Variants in TENM3 observed in about 807,000 individuals in gnomAD.
TENM3 encodes teneurin-3.
TENM3 carries 63 observed loss-of-function variants against 255.1 expected under a neutral mutation model. The ratio of observed to expected loss-of-function variants is 0.25; its 90% confidence interval spans 0.20 to 0.30. TENM3 has a LOEUF of 0.30. Ranked by LOEUF, TENM3 falls within the 10% of genes least tolerant of loss-of-function variation. TENM3 has a pLI of 1.00. For missense variants in TENM3, 2,929 were observed against 3,461.1 expected, an observed-to-expected ratio of 0.85 and a Z score of 3.86; for synonymous variants, 1,306 against 1,322.3, an observed-to-expected ratio of 0.99 and a Z score of 0.27.
At chr4:181,628,465 A>G in the TENM3 span, among the ~76,000 whole-genome samples, 1 of 152,276 alleles carries the variant, frequency 6.6e-6, no homozygotes, top group African/African-American at 2.4e-5. Context: ...TTATGGTTTT[A>G]GGTCTGACAT....
the TENM3 span, among the ~76,000 whole-genome samples, chr4:181,888,343 T>C: frequency 7.4e-4 from 112 of 151,442 alleles, no homozygotes; most frequent in Non-Finnish European, 4.6e-4. Context: ...GGCTCAATTT[T>C]AGTTTGTCAT....
intron 3 of TENM3, among the ~76,000 whole-genome samples, chr4:182,359,217 G>A (rs920055811): frequency 1.3e-5 from 2 of 152,158 alleles, no homozygotes; most frequent in Admixed American, 6.5e-5. Flanking sequence ...TTGGTATCGG[G>A]ATGATGCTGG....
At chr4:181,713,092 A>G in the TENM3 span, among the ~76,000 whole-genome samples, 1 of 152,226 alleles carries the variant, frequency 6.6e-6, no homozygotes, top group Admixed American at 6.5e-5. Context: ...CCTCTCAGCC[A>G]ACTTGTCCTC....
chr4:182,373,604 A>G, intron 3 of TENM3, among the ~76,000 whole-genome samples: 1 of 152,168 alleles, frequency 6.6e-6, no homozygotes, highest in East Asian at 1.9e-4. Flanking sequence ...GATGTCACCA[A>G]GCCATTCATG....
the TENM3 span, among the ~76,000 whole-genome samples, chr4:181,591,191 T>A: frequency 1.3e-5 from 2 of 152,148 alleles, no homozygotes; most frequent in Non-Finnish European, 2.9e-5. Flanking sequence ...TATTCACATA[T>A]CAGAATGTCT....
rs544035794 is a variant in TENM3 at position 182,364,699 on chromosome 4, G to A, written c.511+17770G>A. Among the ~76,000 whole-genome samples the A allele has an allele frequency of 2.3e-3, 346 of 152,304 alleles. 3 individuals carry two copies. Among genetic ancestry groups the A allele is most frequent in the South Asian group, 0.012 (60 of 4,828 alleles). On this transcript the variant is annotated intron_variant, in intron 3 of 27. Transcript: ENST00000511685. Reference sequence around the variant, plus strand: ...CTCCCATAGTGCTGGGGTTACAGGCGTGAGCCACCGCGCCCAGCCCCAACT... The same window carrying A: ...CTCCCATAGTGCTGGGGTTACAGGCATGAGCCACCGCGCCCAGCCCCAACT...
chr4:181,962,327 G>T, the TENM3 span, among the ~76,000 whole-genome samples: 1 of 152,324 alleles, frequency 6.6e-6, no homozygotes, highest in Admixed American at 6.5e-5. Flanking sequence ...GTTGAGTAAA[G>T]TACTTGTAAG....
the TENM3 span, among the ~76,000 whole-genome samples, chr4:181,688,128 C>T: frequency 6.6e-6 from 1 of 152,082 alleles, no homozygotes; most frequent in Non-Finnish European, 1.5e-5. Flanking sequence ...GGAATGAACT[C>T]CCTTAATTTT....
At chr4:182,477,284 G>C (rs990267250) in intron 3 of TENM3, among the ~76,000 whole-genome samples, 23 of 152,154 alleles carry the variant, frequency 1.5e-4, no homozygotes, top group Admixed American at 1.0e-3. Context: ...CCTTGTATGA[G>C]CATCCTGGGT....
chr4:182,770,571 T>G (rs559402762), intron 22 of TENM3, among the ~76,000 whole-genome samples: 1 of 152,334 alleles, frequency 6.6e-6, no homozygotes, highest in African/African-American at 2.4e-5. Context: ...AAGCAGAGAA[T>G]CTGCCCAGAG....
At chr4:181,477,569 G>T in the TENM3 span, among the ~76,000 whole-genome samples, 1 of 152,032 alleles carries the variant, frequency 6.6e-6, no homozygotes, top group Non-Finnish European at 1.5e-5. Context: ...TTTTCCCACT[G>T]CCAAATATTC....
rs867715198 is a variant in TENM3 at position 182,784,307 on chromosome 4, C to T, written c.5305-4786C>T. ...CTCAGCTGCAGGTCTGTTGGAATACCCTGCCGTGTGAGGTGTCAGTGTGCC... is the reference window on the plus strand; with the variant it reads ...CTCAGCTGCAGGTCTGTTGGAATACTCTGCCGTGTGAGGTGTCAGTGTGCC... On this transcript the variant is annotated intron_variant, in intron 24 of 27. Transcript: ENST00000511685. 6.4e-3 allele frequency among the ~76,000 whole-genome samples: 978 copies of T among 151,876 alleles called. 9 individuals carry two copies. The highest frequency in any genetic ancestry group is 0.018 in the African/African-American group (761 of 41,444).
At chr4:181,884,362 A>T in the TENM3 span, among the ~76,000 whole-genome samples, 2 of 152,126 alleles carry the variant, frequency 1.3e-5, no homozygotes, top group Non-Finnish European at 2.9e-5. Context: ...ATTCAGTGAC[A>T]TTAAGTATAT....
chr4:182,682,705 A>G (rs1231203582), intron 11 of TENM3, among the ~76,000 whole-genome samples: 1 of 152,082 alleles, frequency 6.6e-6, no homozygotes, highest in Non-Finnish European at 1.5e-5. Context: ...CATAATTGAA[A>G]TAAACATTTT....
chr4:182,423,306 C>T (rs1770977205), intron 3 of TENM3, among the ~76,000 whole-genome samples: 1 of 152,174 alleles, frequency 6.6e-6, no homozygotes, highest in Non-Finnish European at 1.5e-5. Flanking sequence ...ATATTAGTCA[C>T]TCCTTCACGT....
At chr4:182,156,066 A>G (rs1445894204) in intron 1 of TENM3, among the ~76,000 whole-genome samples, 2 of 147,618 alleles carry the variant, frequency 1.4e-5, no homozygotes, top group Admixed American at 1.4e-4. Flanking sequence ...GTTTTGTGCA[A>G]CTCACTTCCT....
At chr4:182,250,448 G>A (rs1158809563) in intron 1 of TENM3, among the ~76,000 whole-genome samples, 4 of 152,162 alleles carry the variant, frequency 2.6e-5, no homozygotes, top group Non-Finnish European at 5.9e-5. Context: ...AATAGAAAGA[G>A]AAACAGAAAA....
the TENM3 span, among the ~76,000 whole-genome samples, chr4:181,581,143 G>A: frequency 6.6e-6 from 1 of 151,836 alleles, no homozygotes; most frequent in South Asian, 2.1e-4. Context: ...ATCAGTGAGG[G>A]GAAAAAAAAC....
the TENM3 span, among the ~76,000 whole-genome samples, chr4:181,464,566 A>G: frequency 6.6e-6 from 1 of 152,188 alleles, no homozygotes. Flanking sequence ...TATCACATAT[A>G]TGATTTGTTA....
Sources: allele counts gnomAD v4.1 joint callset (sites outside exome capture counted in the v4.1 genomes callset), GRCh38; gene constraint gnomAD v4.1.1; transcripts MANE v1.5; gene names NCBI Gene and HGNC (gene_info 2026-07-23, HGNC 2026-07-21).